The following EEA1 variants were observed in gnomAD, a reference collection of about 807,000 sequenced individuals.
EEA1 encodes early endosome antigen 1, also known as early endosome antigen 1, 162kD.
EEA1 carries 111 observed loss-of-function variants against 209.2 expected under a neutral mutation model. The observed-to-expected ratio is 0.53, with a 90% CI of 0.45 to 0.62. EEA1 has a LOEUF of 0.62. Among genes scored for constraint, EEA1 ranks in the 20% least tolerant of loss-of-function variants. The probability of loss-of-function intolerance (pLI) is 0.00; values close to 1 mark genes in which losing one functional copy is unlikely to be tolerated. For missense variants in EEA1, 1,343 were observed against 1,530.8 expected (o/e 0.88, Z 2.05); for synonymous variants, 536 against 540.6 (o/e 0.99, Z 0.12).
At chr12:92,793,922 T>C (rs1008443655) in intron 21 of EEA1, among the ~76,000 whole-genome samples, 1 of 152,080 alleles carries the variant, frequency 6.6e-6, no homozygotes, top group East Asian at 1.9e-4. Context: ...CAAAAGAAAC[T>C]ACCATCAGAG....
At chr12:92,906,969 T>C (rs969960184) in intron 1 of EEA1, among the ~76,000 whole-genome samples, 1 of 152,196 alleles carries the variant, frequency 6.6e-6, no homozygotes, top group Non-Finnish European at 1.5e-5. Flanking sequence ...ATGCTTTAAA[T>C]ACATTATGCA....
chr12:92,881,431 G>C (rs145498145), intron 2 of EEA1, among the ~76,000 whole-genome samples: 2 of 152,008 alleles, frequency 1.3e-5, no homozygotes, highest in African/African-American at 4.8e-5. Flanking sequence ...AGAAGGAACG[G>C]AGGGAAGGAA....
At chr12:92,872,698 T>A (rs1016830793) in intron 2 of EEA1, among the ~76,000 whole-genome samples, 1 of 152,122 alleles carries the variant, frequency 6.6e-6, no homozygotes, top group East Asian at 1.9e-4. Context: ...CATGCCTGCA[T>A]CCCCAGCACT....
chr12:92,851,777 TAATGAGG>T (rs1487268804), intron 8 of EEA1, among the ~76,000 whole-genome samples: 2 of 152,126 alleles, frequency 1.3e-5, no homozygotes, highest in African/African-American at 4.8e-5. Context: ...AGAAATACAG[TAATGAGG>T]AAACATGATT....
At chr12:92,809,516 T>G (rs1875387070) in intron 17 of EEA1, among the ~76,000 whole-genome samples, 1 of 133,814 alleles carries the variant, frequency 7.5e-6, no homozygotes, top group Non-Finnish European at 1.6e-5. Context: ...TGAAACCTTA[T>G]CTCTACTAAA....
intron 1 of EEA1, among the ~76,000 whole-genome samples, chr12:92,915,746 T>G (rs1399762558): frequency 2.0e-5 from 3 of 152,174 alleles, no homozygotes; most frequent in Admixed American, 1.3e-4. Flanking sequence ...ATTGATAAAC[T>G]CTAAGGACAG....
intron 8 of EEA1, 92 bp from the exon 9 acceptor site, chr12:92,851,358 G>A: frequency 4.8e-6 from 6 of 1,255,742 alleles, no homozygotes; most frequent in South Asian, 4.2e-5. Flanking sequence ...GAATCAAAAG[G>A]GAAACAATCA....
intron 21 of EEA1, among the ~76,000 whole-genome samples, chr12:92,795,166 C>A (rs772692194): frequency 6.6e-6 from 1 of 152,170 alleles, no homozygotes; most frequent in Admixed American, 6.5e-5. Context: ...ATCTAATTTG[C>A]ATATAAATGA....
chr12:92,854,854 G>A (rs1204321009), intron 5 of EEA1, among the ~76,000 whole-genome samples: 1 of 152,154 alleles, frequency 6.6e-6, no homozygotes, highest in Non-Finnish European at 1.5e-5. Context: ...TCCATCCTGA[G>A]AAAGTGACTA....
At chr12:92,828,087 T>C in intron 11 of EEA1, 26 bp from the exon 12 acceptor site, 16 of 1,513,476 alleles carry the variant, frequency 1.1e-5, no homozygotes, top group Non-Finnish European at 1.4e-5. Flanking sequence ...AAAAAATGTA[T>C]GTACATATGT....
intron 5 of EEA1, among the ~76,000 whole-genome samples, chr12:92,856,473 G>A (rs750808980): frequency 6.6e-6 from 1 of 152,054 alleles, no homozygotes; most frequent in Non-Finnish European, 1.5e-5. Flanking sequence ...GTGTGTGCAT[G>A]TATGTACAAA....
chr12:92,857,521 T>A, intron 3 of EEA1, 36 bp from the exon 4 acceptor site: 1 of 1,397,302 alleles, frequency 7.2e-7, no homozygotes, highest in Non-Finnish European at 9.8e-7. Flanking sequence ...TAATAGTCAA[T>A]GTCCTTTAAT....
At chr12:92,921,744 T>A (rs1592780527) in intron 1 of EEA1, among the ~76,000 whole-genome samples, 15 of 92,168 alleles carry the variant, frequency 1.6e-4, no homozygotes, top group African/African-American at 3.1e-4. Flanking sequence ...AAACTTAAAG[T>A]ATAATAAAAA....
intron 13 of EEA1, 66 bp downstream of exon 13, chr12:92,826,100 C>T: frequency 1.4e-6 from 2 of 1,472,396 alleles, no homozygotes; most frequent in Admixed American, 2.1e-5. Flanking sequence ...TTTATTTTTT[C>T]TCTTATATTC....
intron 22 of EEA1, among the ~76,000 whole-genome samples, chr12:92,782,507 A>G (rs1873947481): frequency 6.6e-6 from 1 of 152,234 alleles, no homozygotes; most frequent in African/African-American, 2.4e-5. Context: ...ATATATGGTT[A>G]AAGTCATAAG....
chr12:92,780,711 T>G (rs897722488), intron 23 of EEA1, among the ~76,000 whole-genome samples: 1 of 152,232 alleles, frequency 6.6e-6, no homozygotes, highest in Admixed American at 6.5e-5. Flanking sequence ...ATTTTATTAC[T>G]ATCACTATCT....
At chr12:92,838,479 T>C (rs1025791271) in intron 10 of EEA1, among the ~76,000 whole-genome samples, 1 of 152,140 alleles carries the variant, frequency 6.6e-6, no homozygotes. Flanking sequence ...CTAAATTATG[T>C]AGAAGTTTTC....
At chr12:92,838,912 C>A (rs978867835) in intron 10 of EEA1, among the ~76,000 whole-genome samples, 13 of 148,864 alleles carry the variant, frequency 8.7e-5, no homozygotes, top group African/African-American at 2.5e-4. Context: ...ACTAGCCACA[C>A]TTTTTTTTTT....
chr12:92,830,735 T>C (rs959889813), intron 11 of EEA1, among the ~76,000 whole-genome samples: 1 of 152,182 alleles, frequency 6.6e-6, no homozygotes, highest in Non-Finnish European at 1.5e-5. Flanking sequence ...AAGATCACTA[T>C]GGATAGTGCA....
Sources: gnomAD v4.1 joint callset for allele counts (sites outside exome capture counted in the v4.1 genomes callset) on GRCh38, gnomAD v4.1.1 for gene constraint, MANE v1.5 for transcripts, NCBI Gene and HGNC (gene_info 2026-07-23, HGNC 2026-07-21) for gene names.